The following CYP39A1 variants were observed in gnomAD, a reference collection of about 807,000 sequenced individuals.
CYP39A1 encodes the protein 24-hydroxycholesterol 7-alpha-hydroxylase.
Under a neutral mutation model 58.1 loss-of-function variants are expected in CYP39A1, and 49 were observed. The observed-to-expected ratio is 0.84, with a 90% CI of 0.67 to 1.07. The LOEUF is 1.07. CYP39A1 is among the 50% of genes least tolerant of loss of function. The probability of loss-of-function intolerance (pLI) is 0.00; values close to 1 mark genes in which losing one functional copy is unlikely to be tolerated. For synonymous variants in CYP39A1, 209 were observed against 187.6 expected (o/e 1.11, Z -0.93); for missense variants, 531 against 539.4 (o/e 0.98, Z 0.16).
intron 10 of CYP39A1, among the ~76,000 whole-genome samples, chr6:46,554,093 C>T (rs928374951): frequency 2.6e-5 from 4 of 152,154 alleles, no homozygotes; most frequent in African/African-American, 9.7e-5. Context: ...CCAGTGGGAG[C>T]TCTCAATAAA....
At chr6:46,580,575 A>T (rs1772076108) in intron 10 of CYP39A1, among the ~76,000 whole-genome samples, 1 of 152,344 alleles carries the variant, frequency 6.6e-6, no homozygotes, top group African/African-American at 2.4e-5. Context: ...GACAATCTAC[A>T]GAATGGGAGA....
chr6:46,597,645 A>G (rs1773247692), intron 7 of CYP39A1, among the ~76,000 whole-genome samples: 1 of 152,120 alleles, frequency 6.6e-6, no homozygotes. Flanking sequence ...TGCAGACAAC[A>G]TGAGTACATT....
At chr6:46,566,023 G>T (rs1771253499) in intron 10 of CYP39A1, among the ~76,000 whole-genome samples, 1 of 152,160 alleles carries the variant, frequency 6.6e-6, no homozygotes, top group Non-Finnish European at 1.5e-5. Context: ...TCAGTCACAA[G>T]AGCAGATGGG....
At chr6:46,618,970 G>A (rs905717292) in intron 7 of CYP39A1, among the ~76,000 whole-genome samples, 11 of 151,960 alleles carry the variant, frequency 7.2e-5, no homozygotes, top group African/African-American at 2.7e-4. Flanking sequence ...AATCATCTCA[G>A]GGCCAGATAT....
intron 8 of CYP39A1, among the ~76,000 whole-genome samples, chr6:46,595,188 G>GT (rs546625686): frequency 1.3e-4 from 19 of 151,986 alleles, no homozygotes; most frequent in African/African-American, 4.6e-4. Flanking sequence ...AGAGAAAAGG[G>GT]AACACTTGCA....
At chr6:46,617,085 C>T (rs1468129378) in intron 7 of CYP39A1, among the ~76,000 whole-genome samples, 6 of 152,114 alleles carry the variant, frequency 3.9e-5, no homozygotes, top group African/African-American at 7.2e-5. Context: ...TACAGACCAT[C>T]GCTCTGGTTA....
At chr6:46,583,967 A>G (rs1261998671) in intron 10 of CYP39A1, among the ~76,000 whole-genome samples, 2 of 152,198 alleles carry the variant, frequency 1.3e-5, no homozygotes. Flanking sequence ...TATTTGGTGC[A>G]TGAGAAAATA....
chr6:46,636,138 C>T (rs1219084613), intron 5 of CYP39A1, among the ~76,000 whole-genome samples: 2 of 152,126 alleles, frequency 1.3e-5, no homozygotes, highest in African/African-American at 4.8e-5. Context: ...ACACAGAAAT[C>T]AATACGGAAC....
At chr6:46,576,605 G>A (rs1771861753) in intron 10 of CYP39A1, among the ~76,000 whole-genome samples, 2 of 152,168 alleles carry the variant, frequency 1.3e-5, no homozygotes, top group Non-Finnish European at 2.9e-5. Context: ...CAGTGAAATG[G>A]TCCAAGAGTT....
At chr6:46,621,218 T>G (rs1774937283) in intron 7 of CYP39A1, among the ~76,000 whole-genome samples, 1 of 149,882 alleles carries the variant, frequency 6.7e-6, no homozygotes, top group South Asian at 2.1e-4. Flanking sequence ...GAAGAAACTG[T>G]TGCTGGACTT....
At chr6:46,615,508 TA>T (rs1774478698) in intron 7 of CYP39A1, among the ~76,000 whole-genome samples, 2 of 152,106 alleles carry the variant, frequency 1.3e-5, no homozygotes, top group African/African-American at 4.8e-5. Context: ...AATAATTAAC[TA>T]GAACACCTGT....
intron 10 of CYP39A1, among the ~76,000 whole-genome samples, chr6:46,565,316 A>C (rs946094262): frequency 3.9e-5 from 6 of 152,146 alleles, no homozygotes; most frequent in Non-Finnish European, 8.8e-5. Context: ...TCCATTATAC[A>C]TGCAACATTA....
rs753903802 is a variant in CYP39A1, at chr6:46,642,245, A to G, written c.231T>C (p.Thr77=). 6.2e-7 allele frequency: 1 copy of G among 1,612,932 alleles called. No individual in the cohort carries two copies. The highest frequency in any genetic ancestry group is 8.5e-7 in the Non-Finnish European group (1 of 1,179,312). ...FAMGNRMTFV[T]EEEGINVFLK... is the part of the protein sequence containing the mutation. The stretch of plus-strand genomic sequence containing the variant: ...GAAACACATTAATTCCTTCTTCTTC[A>G]GTAACAAAGGTCATTCGGTTTCCCA... Residue 77 remains threonine, a synonymous_variant, in exon 2 of 12, where the codon ACT becomes ACC. Coordinates refer to ENST00000275016, the MANE Select transcript of CYP39A1 (RefSeq NM_016593.5).
chr6:46,624,224 C>T (rs1475384390), intron 7 of CYP39A1, among the ~76,000 whole-genome samples: 1 of 152,092 alleles, frequency 6.6e-6, no homozygotes, highest in Non-Finnish European at 1.5e-5. Flanking sequence ...TTGGAGTACC[C>T]TAAGTCAGGA....
In CYP39A1 at chr6:46,558,518, C is replaced by T. The variant is rs147766189; in HGVS notation, c.1251-4664G>A. ...GATTCAATCACCTCCTACCAGGCCC[C>T]TCCTCCTCCAAATGTGGAGATTATA... On this transcript the variant is annotated intron_variant, in intron 10 of 11. Transcript: ENST00000275016. Among the ~76,000 whole-genome samples, 33 of 152,272 alleles carry T rather than the reference C, an allele frequency of 2.2e-4. No individual in the cohort carries two copies. The East Asian group carries it at 6.4e-3, about 29-fold the overall frequency.
chr6:46,639,413 G>A, intron 3 of CYP39A1, 81 bp downstream of exon 3: 1 of 1,316,116 alleles, frequency 7.6e-7, no homozygotes, highest in Non-Finnish European at 1.1e-6. Context: ...ACCTGACAAT[G>A]TTTGAAGTCC....
intron 1 of CYP39A1, among the ~76,000 whole-genome samples, chr6:46,646,402 C>T (rs1762328370): frequency 6.6e-6 from 1 of 152,060 alleles, no homozygotes. Flanking sequence ...CTTGTTAATA[C>T]AGCAGCCTAT....
intron 7 of CYP39A1, among the ~76,000 whole-genome samples, chr6:46,597,072 C>T (rs925785473): frequency 5.3e-5 from 8 of 152,176 alleles, no homozygotes; most frequent in African/African-American, 1.7e-4. Flanking sequence ...TGTTCAAAAG[C>T]AAGCCCATTT....
intron 7 of CYP39A1, among the ~76,000 whole-genome samples, chr6:46,610,164 T>A (rs1012655153): frequency 6.6e-6 from 1 of 152,244 alleles, no homozygotes; most frequent in Non-Finnish European, 1.5e-5. Context: ...ACAGTTTTAG[T>A]TTTGAAAGAG....
Sources: gnomAD v4.1 joint callset for allele counts (sites outside exome capture counted in the v4.1 genomes callset) on GRCh38, gnomAD v4.1.1 for gene constraint, MANE v1.5 for transcripts, NCBI Gene and HGNC (gene_info 2026-07-23, HGNC 2026-07-21) for gene names.